The following LRRC4C variants were observed in gnomAD, a reference collection of about 807,000 sequenced individuals.
LRRC4C encodes the protein leucine rich repeat containing 4C.
In LRRC4C, 5 loss-of-function variants were observed where a neutral mutation model predicts 33.6. The ratio of observed to expected loss-of-function variants is 0.15; its 90% CI spans 0.08 to 0.31. The LOEUF (loss-of-function observed/expected upper bound fraction) is 0.31, where lower values mean the gene tolerates loss of function less well. Ranked by LOEUF, LRRC4C falls within the 10% of genes least tolerant of loss-of-function variation. LRRC4C has a pLI of 1.00. For synonymous variants in LRRC4C, 329 were observed against 302.0 expected (o/e 1.09, Z -0.93); for missense variants, 560 against 796.7 (o/e 0.70, Z 3.58).
chr11:40,688,862 C>T (rs1237165905), intron 2 of LRRC4C, among the ~76,000 whole-genome samples: 1 of 151,992 alleles, frequency 6.6e-6, no homozygotes, highest in African/African-American at 2.4e-5. Context: ...TGCAAACCAG[C>T]TGGTGGAAGA....
chr11:40,507,713 TC>T (rs1252173786), intron 3 of LRRC4C, among the ~76,000 whole-genome samples: 3 of 151,312 alleles, frequency 2.0e-5, no homozygotes, highest in African/African-American at 4.8e-5. Flanking sequence ...AAAACATAAA[TC>T]TTCATTATAA....
chr11:41,185,888 G>C, intron 1 of LRRC4C, among the ~76,000 whole-genome samples: 1 of 151,720 alleles, frequency 6.6e-6, no homozygotes, highest in East Asian at 1.9e-4. Flanking sequence ...AAGAAAAAAA[G>C]ATGTAAATTA....
At chr11:40,680,218 T>C (rs1234013575) in intron 2 of LRRC4C, among the ~76,000 whole-genome samples, 1 of 152,266 alleles carries the variant, frequency 6.6e-6, no homozygotes, top group African/African-American at 2.4e-5. Context: ...CAAATACCTG[T>C]GTCCCCATTG....
At chr11:40,627,520 A>C (rs1312763771) in intron 3 of LRRC4C, among the ~76,000 whole-genome samples, 1 of 152,202 alleles carries the variant, frequency 6.6e-6, no homozygotes, top group Non-Finnish European at 1.5e-5. Flanking sequence ...CTTAGGGAAT[A>C]AAATTCTGAC....
In LRRC4C at chr11:40,655,694, A is replaced by C. The variant is rs372308138; in HGVS notation, c.-406-7416T>G. Among the ~76,000 whole-genome samples, 3 of 152,206 alleles carry C rather than the reference A, an allele frequency of 2.0e-5. No homozygotes were observed. The East Asian group carries it at 5.8e-4, about 29-fold the overall frequency. On this transcript the variant is annotated intron_variant, in intron 2 of 6. Transcript: ENST00000528697. The stretch of plus-strand genomic sequence containing the variant: ...AACAGGAGGAAAAGAATCATTTCTT[A>C]TTATTCCCACGTGAAGAGTGTGGCT...
chr11:41,424,540 G>C (rs572518770), intron 1 of LRRC4C, among the ~76,000 whole-genome samples: 84 of 152,178 alleles, frequency 5.5e-4, no homozygotes, highest in South Asian at 2.3e-3. Context: ...TGGCTAAATT[G>C]GGGGTTGAGG....
At chr11:40,650,763 A>C (rs1430810085) in intron 2 of LRRC4C, among the ~76,000 whole-genome samples, 1 of 151,976 alleles carries the variant, frequency 6.6e-6, no homozygotes, top group Non-Finnish European at 1.5e-5. Context: ...TTAATTTAAC[A>C]CTCTCTTATA....
chr11:40,486,817 A>G (rs1256959383), intron 3 of LRRC4C, among the ~76,000 whole-genome samples: 11 of 152,048 alleles, frequency 7.2e-5, no homozygotes. Flanking sequence ...TAAAAATTTT[A>G]TTATGATTGC....
chr11:40,684,534 ATATGCAAAAATC>A (rs1401866220), intron 2 of LRRC4C, among the ~76,000 whole-genome samples: 1 of 152,022 alleles, frequency 6.6e-6, no homozygotes, highest in Non-Finnish European at 1.5e-5. Flanking sequence ...ATAAATGGGG[ATATGCAAAAATC>A]TTGGCAGAGT....
At chr11:41,119,666 A>C (rs891867211) in intron 1 of LRRC4C, among the ~76,000 whole-genome samples, 1 of 152,172 alleles carries the variant, frequency 6.6e-6, no homozygotes, top group Non-Finnish European at 1.5e-5. Context: ...TAATGAACTA[A>C]AACCTTATGT....
chr11:40,811,205 A>T (rs1452197047), intron 2 of LRRC4C, among the ~76,000 whole-genome samples: 1 of 152,078 alleles, frequency 6.6e-6, no homozygotes, highest in Admixed American at 6.6e-5. Flanking sequence ...TCTCACTTCA[A>T]ATGTGACCTT....
intron 3 of LRRC4C, among the ~76,000 whole-genome samples, chr11:40,328,338 A>G (rs1268353532): frequency 6.6e-6 from 1 of 152,230 alleles, no homozygotes; most frequent in Non-Finnish European, 1.5e-5. Context: ...TAAAGAGACC[A>G]CATCATTACT....
intron 1 of LRRC4C, among the ~76,000 whole-genome samples, chr11:41,000,835 G>C (rs916432051): frequency 6.6e-6 from 1 of 152,150 alleles, no homozygotes; most frequent in East Asian, 1.9e-4. Flanking sequence ...TTTTGGCAGA[G>C]AGAAGATAAG....
chr11:40,336,863 G>T (rs1169684408), intron 3 of LRRC4C, among the ~76,000 whole-genome samples: 1 of 149,806 alleles, frequency 6.7e-6, no homozygotes, highest in Non-Finnish European at 1.5e-5. Flanking sequence ...TGTAGTCCCA[G>T]CTACTCGGGA....
chr11:40,174,326 T>C (rs544380362), intron 5 of LRRC4C, among the ~76,000 whole-genome samples: 3 of 152,162 alleles, frequency 2.0e-5, no homozygotes, highest in Non-Finnish European at 4.4e-5. Flanking sequence ...ACCACTGAAC[T>C]AGTCTTCACT....
chr11:40,556,602 C>T (rs1311382523), intron 3 of LRRC4C, among the ~76,000 whole-genome samples: 1 of 152,164 alleles, frequency 6.6e-6, no homozygotes, highest in East Asian at 1.9e-4. Context: ...AAATCACTGG[C>T]TCTCCATGTA....
chr11:41,362,841 A>G (rs368333178), intron 1 of LRRC4C, among the ~76,000 whole-genome samples: 1 of 151,810 alleles, frequency 6.6e-6, no homozygotes, highest in Admixed American at 6.6e-5. Context: ...AGCCAGCAGT[A>G]TAAAATCTTT....
chr11:41,067,625 C>T (rs779609732), intron 1 of LRRC4C, among the ~76,000 whole-genome samples: 7 of 152,152 alleles, frequency 4.6e-5, no homozygotes, highest in Admixed American at 1.3e-4. Flanking sequence ...TTTTCAGTGC[C>T]GCATGGCACT....
At chr11:40,528,720 C>T (rs1956157682) in intron 3 of LRRC4C, among the ~76,000 whole-genome samples, 1 of 151,694 alleles carries the variant, frequency 6.6e-6, no homozygotes, top group Non-Finnish European at 1.5e-5. Context: ...GTCACAATAG[C>T]CAACTTAAGG....
Sources: allele counts gnomAD v4.1 joint callset (sites outside exome capture counted in the v4.1 genomes callset), GRCh38; gene constraint gnomAD v4.1.1; transcripts MANE v1.5; gene names NCBI Gene and HGNC (gene_info 2026-07-23, HGNC 2026-07-21).